GRID2: variants seen among roughly 807,000 people sequenced by gnomAD.
GRID2 encodes the protein glutamate ionotropic receptor delta type subunit 2, also known as glutamate receptor ionotropic, delta-2.
A neutral mutation model predicts 114.8 loss-of-function variants in GRID2; 33 were observed. The observed-to-expected ratio is 0.29, with a 90% CI of 0.22 to 0.38. GRID2 has a LOEUF of 0.38. GRID2 is among the 10% of genes least tolerant of loss of function. The pLI, the probability that GRID2 is intolerant of heterozygous loss-of-function variation, is 1.00. For missense variants in GRID2, 1,184 were observed against 1,257.7 expected, an observed-to-expected ratio of 0.94 and a Z score of 0.89; for synonymous variants, 505 against 449.9, an observed-to-expected ratio of 1.12 and a Z score of -1.55.
intron 14 of GRID2, among the ~76,000 whole-genome samples, chr4:93,645,721 A>T (rs956154965): frequency 3.3e-5 from 5 of 152,146 alleles, no homozygotes; most frequent in Admixed American, 3.3e-4. Flanking sequence ...TAAGGCTTCT[A>T]TAGAAAATTC....
At chr4:92,982,616 AT>A (rs1461551763) in intron 2 of GRID2, among the ~76,000 whole-genome samples, 1 of 151,854 alleles carries the variant, frequency 6.6e-6, no homozygotes, top group African/African-American at 2.4e-5. Context: ...TTTCACCAGG[AT>A]TTTTGCAATA....
intron 12 of GRID2, among the ~76,000 whole-genome samples, chr4:93,503,579 G>A (rs1053573799): frequency 4.0e-5 from 6 of 149,114 alleles, no homozygotes; most frequent in Admixed American, 6.9e-5. Context: ...TGCGGTGTTC[G>A]GTTTTTTGTC....
At chr4:93,347,565 G>T (rs1231547740) in intron 8 of GRID2, among the ~76,000 whole-genome samples, 1 of 152,026 alleles carries the variant, frequency 6.6e-6, no homozygotes. Flanking sequence ...CATAGTGTTT[G>T]ACGTTACACT....
At chr4:93,325,897 G>A (rs1221521553) in intron 8 of GRID2, among the ~76,000 whole-genome samples, 1 of 151,978 alleles carries the variant, frequency 6.6e-6, no homozygotes, top group African/African-American at 2.4e-5. Flanking sequence ...CATTTTTGTG[G>A]ATTTATTTGA....
chr4:92,497,056 G>A (rs1229640319), intron 1 of GRID2, among the ~76,000 whole-genome samples: 1 of 151,146 alleles, frequency 6.6e-6, no homozygotes, highest in Non-Finnish European at 1.5e-5. Flanking sequence ...TTAGTCCTTA[G>A]TTCAAAGATT....
chr4:93,091,550 T>C (rs1173336269), intron 3 of GRID2, among the ~76,000 whole-genome samples: 2 of 152,154 alleles, frequency 1.3e-5, no homozygotes, highest in African/African-American at 4.8e-5. Context: ...TCTGTGAATG[T>C]TCCCTTCTTA....
chr4:93,540,445 C>G (rs1193828011), intron 13 of GRID2, among the ~76,000 whole-genome samples: 1 of 151,758 alleles, frequency 6.6e-6, no homozygotes, highest in African/African-American at 2.4e-5. Flanking sequence ...AATTAAGAAC[C>G]AAGAAGTTAA....
chr4:93,495,931 C>T (rs1727491070), intron 12 of GRID2, among the ~76,000 whole-genome samples: 2 of 151,646 alleles, frequency 1.3e-5, no homozygotes, highest in African/African-American at 4.8e-5. Context: ...AAAAGGAAGA[C>T]AGTGATTAAT....
chr4:92,603,137 A>G (rs1292115168), intron 2 of GRID2, among the ~76,000 whole-genome samples: 3 of 152,198 alleles, frequency 2.0e-5, no homozygotes, highest in Non-Finnish European at 2.9e-5. Flanking sequence ...AAAGCAATGT[A>G]TAGATTCAAT....
intron 14 of GRID2, among the ~76,000 whole-genome samples, chr4:93,731,813 G>C (rs967048609): frequency 6.6e-6 from 1 of 152,080 alleles, no homozygotes; most frequent in Non-Finnish European, 1.5e-5. Flanking sequence ...CTGTACATCT[G>C]TCAGCTTTTA....
At chr4:93,665,495 T>C (rs2149743603) in intron 14 of GRID2, among the ~76,000 whole-genome samples, 1 of 152,312 alleles carries the variant, frequency 6.6e-6, no homozygotes, top group South Asian at 2.1e-4. Context: ...GCATTTGTCT[T>C]CCATTTTCTT....
chr4:93,284,199 AG>A (rs1299303988), intron 8 of GRID2, among the ~76,000 whole-genome samples: 1 of 152,096 alleles, frequency 6.6e-6, no homozygotes, highest in Non-Finnish European at 1.5e-5. Context: ...TTTGCATCTA[AG>A]GGTGGAAATG....
chr4:93,578,646 T>C (rs1217298098), intron 13 of GRID2, among the ~76,000 whole-genome samples: 3 of 139,298 alleles, frequency 2.2e-5, no homozygotes, highest in Non-Finnish European at 4.5e-5. Context: ...CAGGCTGGAG[T>C]GCAGTGGCTC....
At chr4:92,851,256 T>C (rs1743766373) in intron 2 of GRID2, among the ~76,000 whole-genome samples, 1 of 151,940 alleles carries the variant, frequency 6.6e-6, no homozygotes, top group African/African-American at 2.4e-5. Context: ...TGCTTGCTTA[T>C]AAGAAAGTAT....
Position 93,042,821 on chromosome 4 carries a change from A to G in GRID2, c.245-42174A>G, listed in dbSNP as rs1344913805. Among the ~76,000 whole-genome samples, 3 of 151,598 alleles carry G rather than the reference A, an allele frequency of 2.0e-5. No homozygotes were observed. The East Asian group carries it at 5.9e-4, about 30-fold the overall frequency. On this transcript the variant is annotated intron_variant, in intron 2 of 15. Transcript: ENST00000282020. ...AATAAATCATTGATATTTTTACATGAAAGAGACCATACCATAACTTTACTT... is the reference window on the plus strand; with the variant it reads ...AATAAATCATTGATATTTTTACATGGAAGAGACCATACCATAACTTTACTT...
At chr4:92,876,725 A>C (rs958784859) in intron 2 of GRID2, among the ~76,000 whole-genome samples, 2 of 152,228 alleles carry the variant, frequency 1.3e-5, no homozygotes, top group Admixed American at 6.5e-5. Context: ...CTGATTCATT[A>C]GTTTTTATTT....
rs150126496 is a variant in GRID2, at chr4:92,639,560, A to G, written c.244+49274A>G. Among the ~76,000 whole-genome samples, 33 of 151,884 alleles carry G rather than the reference A, an allele frequency of 2.2e-4. 1 individual carries two copies. In the East Asian group the frequency reaches 6.4e-3, roughly 30 times the overall value. On this transcript the variant is annotated intron_variant, in intron 2 of 15. Coordinates refer to ENST00000282020, the MANE Select transcript of GRID2 (RefSeq NM_001510.4). ...TTGAATAAGCAGTTTAGTATCTGTG[A>G]AGCTTTGTTTTCTCCTATACAAAGT...
At chr4:92,874,452 T>C (rs1401703794) in intron 2 of GRID2, among the ~76,000 whole-genome samples, 1 of 152,190 alleles carries the variant, frequency 6.6e-6, no homozygotes, top group Non-Finnish European at 1.5e-5. Flanking sequence ...CAAATAAATG[T>C]CATACCTCCA....
chr4:92,842,963 G>A (rs370256270), intron 2 of GRID2, among the ~76,000 whole-genome samples: 2 of 152,122 alleles, frequency 1.3e-5, no homozygotes, highest in East Asian at 1.9e-4. Flanking sequence ...TTAAAGCCAG[G>A]CATGGTGTTT....
Sources: allele counts gnomAD v4.1 joint callset (sites outside exome capture counted in the v4.1 genomes callset), GRCh38; gene constraint gnomAD v4.1.1; transcripts MANE v1.5; gene names NCBI Gene and HGNC (gene_info 2026-07-23, HGNC 2026-07-21).